Variants in SREBF1 observed in about 807,000 individuals in gnomAD.
SREBF1 encodes sterol regulatory element binding transcription factor 1, also known as sterol regulatory element-binding protein 1.
SREBF1 carries 45 observed loss-of-function variants against 100.1 expected under a neutral mutation model. The observed-to-expected ratio is 0.45, with a 90% CI of 0.35 to 0.58. SREBF1 has a LOEUF of 0.58. Ranked by LOEUF, SREBF1 falls within the 20% of genes least tolerant of loss-of-function variation. The probability of loss-of-function intolerance (pLI) is 0.00; values close to 1 mark genes in which losing one functional copy is unlikely to be tolerated. For missense variants in SREBF1, 1,324 were observed against 1,539.4 expected, an observed-to-expected ratio of 0.86 and a Z score of 2.34; for synonymous variants, 657 against 681.8, an observed-to-expected ratio of 0.96 and a Z score of 0.57.
Position 17,816,555 on chromosome 17 carries a change from C to T in SREBF1, c.1949G>A (p.Gly650Glu). 1 of 1,603,392 alleles carries T rather than the reference C, an allele frequency of 6.2e-7. No homozygotes were observed. The highest frequency in any genetic ancestry group is 2.3e-5 in the East Asian group (1 of 44,394). ...WVGRWLAGRA[G>E]GLQQDCALRV... Reference sequence around the variant, plus strand: ...CAGAGCACAGTCCTGCTGCAGGCCCCCTGCCCGGCCTGCCAGCCAGCGGCC... The same window carrying T: ...CAGAGCACAGTCCTGCTGCAGGCCCTCTGCCCGGCCTGCCAGCCAGCGGCC... The change falls in exon 10 of 19, where the codon GGG (glycine) becomes GAG (glutamate). Residue 650 changes from glycine (G) to glutamate (E), a missense_variant. Gly to Glu is a moderately conservative substitution (Grantham distance 98). Coordinates refer to ENST00000261646, the MANE Select transcript of SREBF1 (RefSeq NM_004176.5).
intron 1 of SREBF1, 98 bp from the exon 2 acceptor site, chr17:17,820,619 G>A: frequency 1.5e-6 from 2 of 1,321,582 alleles, no homozygotes; most frequent in Non-Finnish European, 2.1e-6. Context: ...CACAACCCTT[G>A]TTGGCACACA....
Position 17,812,770 on chromosome 17 carries a change from G to A in SREBF1, c.3296C>T (p.Pro1099Leu), listed in dbSNP as rs2033035141. The change falls in exon 19 of 19, where the codon CCC (proline) becomes CTC (leucine). Residue 1099 changes from proline (P) to leucine (L), a missense_variant. By Grantham distance (98) the Pro-to-Leu change is moderately conservative. Transcript: ENST00000261646. ...CTGCCCGGGCGCCGACAGGAAGCCG[G>A]GGGGCAGGTAGCAGGAGGCCAGCAG... The part of the protein sequence containing the change: ...ALLLASCYLP[P>L]GFLSAPGQRV... 2 of 1,533,292 alleles carry A rather than the reference G, an allele frequency of 1.3e-6. No homozygotes were observed. Among genetic ancestry groups the A allele is most frequent in the Non-Finnish European group, 1.8e-6 (2 of 1,139,934 alleles). 95.0% of individuals were successfully genotyped at this position (1,533,292 alleles called of 1,614,324 possible).
At position 17,830,408 on chromosome 17, in the gene SREBF1, C is replaced by T. The variant is rs866106979; in HGVS notation, c.91+6319G>A. On this transcript the variant is annotated intron_variant, in intron 1 of 18. Transcript: ENST00000261646. ...ATGCACTGCTTAAGCCTTCACTCAT[C>T]GGATCCCCACAATTCCAAGAAGCTG... Among the ~76,000 whole-genome samples, 15 of 152,396 alleles carry T rather than the reference C, an allele frequency of 9.8e-5. 1 individual carries two copies. In the South Asian group the frequency reaches 2.7e-3, roughly 27 times the overall value.
Position 17,820,116 on chromosome 17 carries a change from G to A in SREBF1, c.497C>T (p.Pro166Leu). 6.2e-7 allele frequency: 1 copy of A among 1,612,546 alleles called. No homozygotes were observed. Among genetic ancestry groups the A allele is most frequent in the African/African-American group, 1.3e-5 (1 of 75,010 alleles). Residue 166 changes from proline to leucine, a missense_variant, in exon 2 of 19, where the codon CCC becomes CTC. Pro to Leu is a moderately conservative substitution (Grantham distance 98). Transcript: ENST00000261646. ...QFSSTPVLGY[P>L]SPPGGFSTGS... ...TGTAGAGAAGCCTCCCGGAGGGCTG[G>A]GGTAGCCTAACACAGGGGTGGAGCT...
rs1261573930 is a variant in SREBF1, at chr17:17,811,548, C to A, written c.*1074G>T. 3.4e-6 allele frequency: 1 copy of A among 294,798 alleles called. No homozygotes were observed. Among genetic ancestry groups the A allele is most frequent in the Non-Finnish European group, 6.4e-6 (1 of 155,926 alleles). The allele number at this position is 294,798 out of a possible 1,614,324, so 18.3% of individuals were successfully genotyped here. A position where few individuals can be genotyped will look rare whatever the true frequency, so the allele number is the denominator to read the frequency against. ...TGAAGGGAGGGGCTGGGGGGGGGGG[C>A]ATGAATGGAGTCAGGGAGTCGGCCT... On this transcript the variant is annotated 3_prime_UTR_variant, in exon 19 of 19. Transcript: ENST00000261646.
At chr17:17,827,995 T>C (rs1040864404) in intron 1 of SREBF1, among the ~76,000 whole-genome samples, 3 of 152,268 alleles carry the variant, frequency 2.0e-5, no homozygotes, top group African/African-American at 4.8e-5. Context: ...CCTGCCAAAT[T>C]AGAGGCTGGG....
At chr17:17,836,246 G>A (rs1241648356) in intron 1 of SREBF1, among the ~76,000 whole-genome samples, 1 of 152,288 alleles carries the variant, frequency 6.6e-6, no homozygotes, top group African/African-American at 2.4e-5. Flanking sequence ...CGAGGCGGGG[G>A]AAGGGCGCGA....
At chr17:17,831,430 C>T (rs1457521269) in intron 1 of SREBF1, among the ~76,000 whole-genome samples, 1 of 152,062 alleles carries the variant, frequency 6.6e-6, no homozygotes, top group Non-Finnish European at 1.5e-5. Context: ...GGCAAGGTGA[C>T]ACCCAGAAGG....
At position 17,811,393 on chromosome 17, in the gene SREBF1, A is replaced by G; in HGVS notation, c.*1229T>C. Reference sequence around the variant, plus strand: ...TTTTCCTTAAGAGTAAAAAACAGTCATTGCATTCAGAAAAAAAAAAAAAAA... The same window carrying G: ...TTTTCCTTAAGAGTAAAAAACAGTCGTTGCATTCAGAAAAAAAAAAAAAAA... On this transcript the variant is annotated 3_prime_UTR_variant, in exon 19 of 19. Coordinates refer to ENST00000261646, the MANE Select transcript of SREBF1 (RefSeq NM_004176.5). The G allele has an allele frequency of 5.0e-6, 1 of 201,652 alleles. No homozygotes were observed. The highest frequency in any genetic ancestry group is 9.2e-6 in the Non-Finnish European group (1 of 108,202). 12.5% of individuals were successfully genotyped at this position (201,652 alleles called of 1,614,324 possible).
At chr17:17,821,905 G>C (rs1232732716) in intron 1 of SREBF1, among the ~76,000 whole-genome samples, 1 of 152,262 alleles carries the variant, frequency 6.6e-6, no homozygotes, top group African/African-American at 2.4e-5. Context: ...GGCCAGGCTA[G>C]ACCCCTAATC....
rs1488168541 is a variant in SREBF1, at chr17:17,815,918, C to T, written c.2325G>A (p.Gly775=). The T allele has an allele frequency of 8.1e-6, 13 of 1,612,994 alleles. No individual in the cohort carries two copies. The highest frequency in any genetic ancestry group is 1.1e-5 in the Non-Finnish European group (13 of 1,179,954). ...HPVGHRFFVD[G]DWSVLSTPWE... ...ATGGGGTACTGAGCACGGACCAGTC[C>T]CCATCCACGAAGAAACGGTGGCCCA... Residue 775 remains glycine, a synonymous_variant, in exon 12 of 19, where the codon GGG becomes GGA. Transcript: ENST00000261646.
chr17:17,817,425 G>A lies in SREBF1; in HGVS notation c.1437C>T (p.Ser479=), dbSNP rs763171952. The A allele has an allele frequency of 2.5e-6, 4 of 1,594,272 alleles. No individual in the cohort carries two copies. The highest frequency in any genetic ancestry group is 3.4e-6 in the Non-Finnish European group (4 of 1,170,496). The change falls in exon 8 of 19, where the codon AGC becomes AGT. Residue 479 remains serine (S), a synonymous_variant. Coordinates refer to ENST00000261646, the MANE Select transcript of SREBF1 (RefSeq NM_004176.5). The surrounding 1 kb of genome is among the most constrained non-coding windows in gnomAD (Gnocchi z 6.6). ...AKPEQRPSLH[S]RGMLDRSRLA... is the part of the protein sequence containing the mutation. ...GGCGGGAGCGGTCCAGCATGCCCCGGCTGTGCAGAGACGGCCGCTGCTCTG... is the reference window on the plus strand; with the variant it reads ...GGCGGGAGCGGTCCAGCATGCCCCGACTGTGCAGAGACGGCCGCTGCTCTG...
At position 17,827,887 on chromosome 17, in the gene SREBF1, G is replaced by C. The variant is rs73979203; in HGVS notation, c.92-7366C>G. 9.7e-3 allele frequency among the ~76,000 whole-genome samples: 1,473 copies of C among 152,266 alleles called. 22 individuals are homozygous for C. Among genetic ancestry groups the C allele is most frequent in the African/African-American group, 0.032 (1,313 of 41,542 alleles). Reference sequence around the variant, plus strand: ...TCAGTGAGTGTGTGCAGAGTGCAAAGACAGAGAGGACAACACGAAGCTCTT... The same window carrying C: ...TCAGTGAGTGTGTGCAGAGTGCAAACACAGAGAGGACAACACGAAGCTCTT... On this transcript the variant is annotated intron_variant, in intron 1 of 18. Coordinates refer to ENST00000261646, the MANE Select transcript of SREBF1 (RefSeq NM_004176.5).
At chr17:17,821,938 A>C (rs2034132381) in intron 1 of SREBF1, among the ~76,000 whole-genome samples, 1 of 152,224 alleles carries the variant, frequency 6.6e-6, no homozygotes, top group Non-Finnish European at 1.5e-5. Context: ...TGAGAGGGTG[A>C]TGTGATCATT....
chr17:17,816,217 T>C lies in SREBF1; in HGVS notation c.2204A>G (p.His735Arg). 4.6e-6 allele frequency: 3 copies of C among 645,362 alleles called. No homozygotes were observed. Among genetic ancestry groups the C allele is most frequent in the East Asian group, 1.1e-4 (1 of 9,098 alleles). The allele number at this position is 645,362 out of a possible 1,614,324, so 40.0% of individuals were successfully genotyped here. The change falls in exon 11 of 19, where the codon CAT becomes CGT. Residue 735 changes from histidine (H) to arginine (R), a missense_variant. Physicochemically the swap from His to Arg is conservative, Grantham distance 29. Coordinates refer to ENST00000261646, the MANE Select transcript of SREBF1 (RefSeq NM_004176.5). ...RVKTSLPRAL[H>R]FLTRFFLSSA... is the part of the protein sequence containing the mutation. ...CCCCAACCCACTCACTGTCAGAAAA[T>C]GCAAGGCCCGTGGGAGACTGGTCTT... is the stretch of plus-strand genomic sequence containing the variant.
At chr17:17,818,028 G>T in intron 6 of SREBF1, 112 bp from the exon 7 acceptor site, 1 of 1,220,354 alleles carries the variant, frequency 8.2e-7, no homozygotes, top group Non-Finnish European at 1.2e-6. Flanking sequence ...GCTAGCCCAG[G>T]ACGCTTTGAT....
intron 1 of SREBF1, among the ~76,000 whole-genome samples, chr17:17,829,899 C>G (rs1191931561): frequency 6.6e-6 from 1 of 151,058 alleles, no homozygotes; most frequent in Non-Finnish European, 1.5e-5. Context: ...CTCAGCCTCC[C>G]AAAGTGCTGG....
At chr17:17,823,464 T>C in intron 1 of SREBF1, 1 of 1,213,302 alleles carries the variant, frequency 8.2e-7, no homozygotes, top group Non-Finnish European at 1.2e-6. Context: ...CAGGAGAACC[T>C]GCAGGAGACG....
In SREBF1 at chr17:17,812,473, A is replaced by G. The variant is rs1598106417; in HGVS notation, c.*149T>C. The G allele has an allele frequency of 4.8e-6, 4 of 834,150 alleles. No homozygotes were observed. The highest frequency in any genetic ancestry group is 1.7e-5 in the South Asian group (1 of 58,060). The allele number at this position is 834,150 out of a possible 1,614,324, so 51.7% of individuals were successfully genotyped here. On this transcript the variant is annotated 3_prime_UTR_variant, in exon 19 of 19. Transcript: ENST00000261646. ...CAAGATCGCGCCCCTCGGGCCTTCC[A>G]CCGCGAAGGCACACAGCAGCCGCAG...
Sources: allele counts gnomAD v4.1 joint callset (sites outside exome capture counted in the v4.1 genomes callset), GRCh38; gene constraint gnomAD v4.1.1; non-coding constraint Gnocchi (gnomAD v3.1); transcripts MANE v1.5; gene names NCBI Gene and HGNC (gene_info 2026-07-23, HGNC 2026-07-21).